MPP7: variants seen among roughly 807,000 people sequenced by gnomAD.
MPP7 encodes the protein MAGUK p55 scaffold protein 7.
A neutral mutation model predicts 76.5 loss-of-function variants in MPP7; 60 were observed. That is an observed-to-expected ratio of 0.78 (90% CI 0.64 to 0.97). The LOEUF (loss-of-function observed/expected upper bound fraction) is 0.97, where lower values mean the gene tolerates loss of function less well. MPP7 is among the 50% of genes least tolerant of loss of function. The pLI is 0.00. For synonymous variants in MPP7, 237 were observed against 244.5 expected, an observed-to-expected ratio of 0.97 and a Z score of 0.29; for missense variants, 641 against 694.0, an observed-to-expected ratio of 0.92 and a Z score of 0.86.
At chr10:28,195,218 T>A (rs1426942557) in intron 3 of MPP7, among the ~76,000 whole-genome samples, 1 of 152,060 alleles carries the variant, frequency 6.6e-6, no homozygotes, top group Non-Finnish European at 1.5e-5. Context: ...ACCAGGACAG[T>A]AAGAATCAAA....
chr10:28,185,416 A>C (rs1257551051), intron 3 of MPP7, among the ~76,000 whole-genome samples: 1 of 152,142 alleles, frequency 6.6e-6, no homozygotes, highest in Non-Finnish European at 1.5e-5. Context: ...ACAGAAAAGT[A>C]CTCAATATAC....
At chr10:28,264,030 C>T (rs1400665899) in intron 1 of MPP7, among the ~76,000 whole-genome samples, 1 of 152,168 alleles carries the variant, frequency 6.6e-6, no homozygotes, top group Non-Finnish European at 1.5e-5. Context: ...GGTACAGTGG[C>T]TCATGCCTGC....
intron 1 of MPP7, among the ~76,000 whole-genome samples, chr10:28,257,312 T>G (rs187077137): frequency 2.0e-5 from 3 of 152,246 alleles, no homozygotes; most frequent in Non-Finnish European, 2.9e-5. Flanking sequence ...TTCCTTATAT[T>G]CTTTAATTAT....
At chr10:28,332,203 A>G (rs562255308) in intron 1 of MPP7, among the ~76,000 whole-genome samples, 14 of 151,758 alleles carry the variant, frequency 9.2e-5, no homozygotes, top group African/African-American at 2.9e-4. Context: ...AGCAACTTAG[A>G]TAATGTTTGA....
chr10:28,234,799 T>C (rs1588962157), intron 2 of MPP7, among the ~76,000 whole-genome samples: 1 of 112,274 alleles, frequency 8.9e-6, no homozygotes, highest in South Asian at 2.6e-4. Context: ...TTTGTTGTTT[T>C]TTGTTTTGTT....
intron 7 of MPP7, among the ~76,000 whole-genome samples, chr10:28,124,571 GTTCACACCA>G (rs1313279797): frequency 7.1e-6 from 1 of 140,110 alleles, no homozygotes; most frequent in Non-Finnish European, 1.5e-5. Context: ...CGCCTCCCAG[GTTCACACCA>G]TTCTCCTGCC....
chr10:28,299,095 C>T (rs1040858813), intron 1 of MPP7, among the ~76,000 whole-genome samples: 4 of 152,164 alleles, frequency 2.6e-5, no homozygotes, highest in South Asian at 2.1e-4. Flanking sequence ...ATCATTTGGA[C>T]GTTCAGCAGA....
chr10:28,097,730 T>C (rs1173684592), intron 11 of MPP7, among the ~76,000 whole-genome samples: 1 of 152,212 alleles, frequency 6.6e-6, no homozygotes, highest in Non-Finnish European at 1.5e-5. Context: ...TTTTTCCTGA[T>C]AGAAGACGTT....
At chr10:28,121,133 G>A (rs919068937) in intron 8 of MPP7, among the ~76,000 whole-genome samples, 13 of 152,008 alleles carry the variant, frequency 8.6e-5, no homozygotes, top group African/African-American at 3.1e-4. Context: ...CAAAACCCCT[G>A]TCTCTACAAA....
intron 2 of MPP7, among the ~76,000 whole-genome samples, chr10:28,214,772 T>C (rs1402998539): frequency 6.6e-6 from 1 of 152,176 alleles, no homozygotes; most frequent in Non-Finnish European, 1.5e-5. Context: ...AAACTGATAA[T>C]AGCCCTTTCC....
chr10:28,190,966 A>G (rs1319387841), intron 3 of MPP7, among the ~76,000 whole-genome samples: 1 of 152,162 alleles, frequency 6.6e-6, no homozygotes, highest in Non-Finnish European at 1.5e-5. Context: ...TACTGATGCC[A>G]AGGACAATAA....
At chr10:28,199,469 A>G (rs1007472899) in intron 3 of MPP7, among the ~76,000 whole-genome samples, 3 of 152,176 alleles carry the variant, frequency 2.0e-5, no homozygotes, top group Non-Finnish European at 4.4e-5. Flanking sequence ...GCCTACATAT[A>G]CTTGCACTGT....
chr10:28,103,311 G>A (rs951475910), intron 11 of MPP7, among the ~76,000 whole-genome samples: 4 of 147,956 alleles, frequency 2.7e-5, no homozygotes, highest in East Asian at 2.0e-4. Flanking sequence ...ATCCTGTCTC[G>A]GGGCCTTTGT....
At chr10:28,235,167 T>C (rs973210002) in intron 2 of MPP7, among the ~76,000 whole-genome samples, 3 of 152,050 alleles carry the variant, frequency 2.0e-5, no homozygotes, top group South Asian at 2.1e-4. Flanking sequence ...GACAACTAAA[T>C]GTAATATGGT....
chr10:28,103,245 C>T (rs557088570), intron 11 of MPP7, among the ~76,000 whole-genome samples: 7 of 150,554 alleles, frequency 4.6e-5, no homozygotes, highest in Middle Eastern at 3.4e-3. Context: ...GGGGCCTGTG[C>T]ACATGCATCC....
At chr10:28,191,423 A>T (rs1837408361) in intron 3 of MPP7, among the ~76,000 whole-genome samples, 1 of 152,202 alleles carries the variant, frequency 6.6e-6, no homozygotes, top group Admixed American at 6.5e-5. Context: ...CCAGCAATAG[A>T]TCAAATTAAT....
intron 12 of MPP7, among the ~76,000 whole-genome samples, chr10:28,080,627 G>A (rs1211588947): frequency 6.6e-6 from 1 of 152,206 alleles, no homozygotes; most frequent in East Asian, 1.9e-4. Context: ...GCCTGGCATA[G>A]CTGGTACACC....
intron 1 of MPP7, among the ~76,000 whole-genome samples, chr10:28,263,159 G>A (rs1840044550): frequency 6.6e-6 from 1 of 152,116 alleles, no homozygotes; most frequent in Non-Finnish European, 1.5e-5. Flanking sequence ...TAAATCAGAG[G>A]CAATAATAAA....
intron 15 of MPP7, among the ~76,000 whole-genome samples, chr10:28,058,191 T>A (rs1004601198): frequency 1.3e-5 from 2 of 152,202 alleles, no homozygotes; most frequent in African/African-American, 2.4e-5. Flanking sequence ...ATGTATTTTT[T>A]AAAAATACAG....
Sources: allele counts gnomAD v4.1 joint callset (sites outside exome capture counted in the v4.1 genomes callset), GRCh38; gene constraint gnomAD v4.1.1; transcripts MANE v1.5; gene names NCBI Gene and HGNC (gene_info 2026-07-23, HGNC 2026-07-21).